Variants in SMC5 observed in about 807,000 individuals in gnomAD.
SMC5 encodes structural maintenance of chromosomes 5.
Under a neutral mutation model 148.3 loss-of-function variants are expected in SMC5, and 88 were observed. The ratio of observed to expected loss-of-function variants is 0.59; its 90% CI spans 0.50 to 0.71. The LOEUF is 0.71. Ranked by LOEUF, SMC5 falls within the 30% of genes least tolerant of loss-of-function variation. The pLI is 0.00. For missense variants in SMC5, 1,142 were observed against 1,298.9 expected (o/e 0.88, Z 1.86); for synonymous variants, 421 against 432.8 (o/e 0.97, Z 0.34).
chr9:70,324,007 G>A lies in SMC5; in HGVS notation c.2275-14G>A. On this transcript the variant is annotated splice_polypyrimidine_tract_variant and intron_variant, in intron 16 of 24. Transcript: ENST00000361138. Reference sequence around the variant, plus strand: ...GTAACATAAAAATTAACTCTTAGGGGTTTTTGTTCCTAGATTTGTACTTCT... The same window carrying A: ...GTAACATAAAAATTAACTCTTAGGGATTTTTGTTCCTAGATTTGTACTTCT... 1 of 1,533,732 alleles carries A rather than the reference G, an allele frequency of 6.5e-7. No homozygotes were observed.
At chr9:70,274,391 C>G (rs1173823705) in intron 3 of SMC5, among the ~76,000 whole-genome samples, 1 of 152,040 alleles carries the variant, frequency 6.6e-6, no homozygotes, top group African/African-American at 2.4e-5. Context: ...GTGAATTCAA[C>G]TTTCTGTTGT....
At chr9:70,343,779 TCACTG>T (rs1381662059) in intron 17 of SMC5, among the ~76,000 whole-genome samples, 1 of 151,928 alleles carries the variant, frequency 6.6e-6, no homozygotes, top group Non-Finnish European at 1.5e-5. Flanking sequence ...TCACGTCACG[TCACTG>T]CACTCCAGCC....
chr9:70,269,159 A>G (rs563450924), intron 3 of SMC5, among the ~76,000 whole-genome samples: 2 of 152,230 alleles, frequency 1.3e-5, no homozygotes, highest in Non-Finnish European at 2.9e-5. Context: ...ACATGGAAGT[A>G]AAAAGAAAAT....
At chr9:70,271,226 A>G (rs1365247710) in intron 3 of SMC5, among the ~76,000 whole-genome samples, 2 of 152,248 alleles carry the variant, frequency 1.3e-5, no homozygotes, top group African/African-American at 4.8e-5. Flanking sequence ...AAATTATTCA[A>G]ATTGAGCTGT....
At chr9:70,319,229 A>G (rs917252515) in intron 15 of SMC5, among the ~76,000 whole-genome samples, 3 of 152,192 alleles carry the variant, frequency 2.0e-5, no homozygotes, top group Admixed American at 6.5e-5. Context: ...TTTTGTTTAC[A>G]TGGATTGTAT....
At chr9:70,297,580 T>C (rs1357149679) in intron 8 of SMC5, among the ~76,000 whole-genome samples, 1 of 152,182 alleles carries the variant, frequency 6.6e-6, no homozygotes, top group Non-Finnish European at 1.5e-5. Flanking sequence ...TTTATTATCA[T>C]TTTTATTATT....
At chr9:70,325,013 T>C (rs1177875292) in intron 17 of SMC5, among the ~76,000 whole-genome samples, 1 of 152,132 alleles carries the variant, frequency 6.6e-6, no homozygotes, top group Non-Finnish European at 1.5e-5. Flanking sequence ...GGGTTTCTTA[T>C]TGGGGTTTCA....
chr9:70,282,408 G>T lies in SMC5; in HGVS notation c.820-14G>T. 1 of 1,573,062 alleles carries T rather than the reference G, an allele frequency of 6.4e-7. No homozygotes were observed. Among genetic ancestry groups the T allele is most frequent in the Non-Finnish European group, 8.6e-7 (1 of 1,164,882 alleles). ...GGTAGGGCATTAACTTCTGTTTGTT[G>T]AATTATTTGCAAGGAATATGAAAAT... is the stretch of plus-strand genomic sequence containing the variant. On this transcript the variant is annotated splice_polypyrimidine_tract_variant and intron_variant, in intron 6 of 24. Coordinates refer to ENST00000361138, the MANE Select transcript of SMC5 (RefSeq NM_015110.4).
chr9:70,346,424 T>A, intron 18 of SMC5, 181 bp from the exon 19 acceptor site: 1 of 637,364 alleles, frequency 1.6e-6, no homozygotes, highest in East Asian at 2.7e-5. Context: ...AAAAAAAAAG[T>A]ATATGTTCTA....
At chr9:70,342,999 A>G (rs2036565360) in intron 17 of SMC5, among the ~76,000 whole-genome samples, 1 of 152,120 alleles carries the variant, frequency 6.6e-6, no homozygotes, top group African/African-American at 2.4e-5. Flanking sequence ...CCTTCCCTAC[A>G]TACATACTCT....
chr9:70,333,541 G>T (rs866074880), intron 17 of SMC5, among the ~76,000 whole-genome samples: 1 of 151,898 alleles, frequency 6.6e-6, no homozygotes, highest in Non-Finnish European at 1.5e-5. Flanking sequence ...GATCAGCCTG[G>T]CCAACATGGC....
At chr9:70,281,312 T>G (rs1241102507) in intron 6 of SMC5, among the ~76,000 whole-genome samples, 1 of 152,126 alleles carries the variant, frequency 6.6e-6, no homozygotes, top group Non-Finnish European at 1.5e-5. Context: ...AAAATACTGA[T>G]TACGGGTGTG....
chr9:70,275,568 T>C (rs1360818434), intron 3 of SMC5, among the ~76,000 whole-genome samples: 1 of 152,134 alleles, frequency 6.6e-6, no homozygotes, highest in Non-Finnish European at 1.5e-5. Context: ...TTTTTCTCAT[T>C]GTTTTCTGAT....
rs1380618982 is a variant in SMC5 at position 70,353,285 on chromosome 9, G to C, written c.*954G>C. The C allele has an allele frequency of 6.6e-6, 1 of 152,034 alleles. No individual in the cohort carries two copies. The highest frequency in any genetic ancestry group is 1.9e-4 in the East Asian group (1 of 5,198). 9.4% of individuals were successfully genotyped at this position (152,034 alleles called of 1,614,324 possible). On this transcript the variant is annotated 3_prime_UTR_variant, in exon 25 of 25. Coordinates refer to ENST00000361138, the MANE Select transcript of SMC5 (RefSeq NM_015110.4). ...TTTCTTTAAAACCGTAATGTTTTTA[G>C]AACTTAAGCCTATAGGGCCTTTCTT...
At chr9:70,340,054 A>G (rs186516904) in intron 17 of SMC5, among the ~76,000 whole-genome samples, 31 of 152,244 alleles carry the variant, frequency 2.0e-4, no homozygotes, top group African/African-American at 7.0e-4. Flanking sequence ...GGATATTATG[A>G]TATTCAGTTT....
intron 18 of SMC5, among the ~76,000 whole-genome samples, chr9:70,346,083 G>T (rs564078614): frequency 6.6e-6 from 1 of 152,222 alleles, no homozygotes; most frequent in African/African-American, 2.4e-5. Context: ...GGAGAAACAG[G>T]GTTGCTTAAA....
intron 17 of SMC5, among the ~76,000 whole-genome samples, chr9:70,337,542 G>A (rs1457274028): frequency 1.4e-5 from 2 of 145,834 alleles, no homozygotes; most frequent in African/African-American, 2.6e-5. Context: ...TGCAACCTCA[G>A]TCTCCTGGGT....
At chr9:70,264,019 A>G (rs970168641) in intron 1 of SMC5, among the ~76,000 whole-genome samples, 1 of 152,186 alleles carries the variant, frequency 6.6e-6, no homozygotes, top group African/African-American at 2.4e-5. Flanking sequence ...TATAGTGTCC[A>G]GTGTTTTGTA....
chr9:70,280,836 G>A lies in SMC5; in HGVS notation c.756G>A (p.Arg252=), dbSNP rs775374096. 2 of 1,614,018 alleles carry A rather than the reference G, an allele frequency of 1.2e-6. No individual in the cohort carries two copies. Among genetic ancestry groups the A allele is most frequent in the African/African-American group, 1.3e-5 (1 of 75,054 alleles). ...AAAGATATAAACAAGATGTGGAGAG[G>A]TTCTATGAACGGAAGCGACATTTAG... is the stretch of plus-strand genomic sequence containing the variant. ...RNERYKQDVE[R]FYERKRHLDL... Residue 252 remains arginine (R), a synonymous_variant, in exon 6 of 25, where the codon AGG becomes AGA. Transcript: ENST00000361138.
Sources: allele counts gnomAD v4.1 joint callset (sites outside exome capture counted in the v4.1 genomes callset), GRCh38; gene constraint gnomAD v4.1.1; transcripts MANE v1.5; gene names NCBI Gene and HGNC (gene_info 2026-07-23, HGNC 2026-07-21).